Variants in PDE1C observed in about 807,000 individuals in gnomAD.
PDE1C encodes phosphodiesterase 1C, also known as dual specificity calcium/calmodulin-dependent 3',5'-cyclic nucleotide phosphodiesterase 1C.
Under a neutral mutation model 93.1 loss-of-function variants are expected in PDE1C, and 62 were observed. The observed-to-expected ratio is 0.67, with a 90% CI of 0.54 to 0.82. The LOEUF is 0.82. Among genes scored for constraint, PDE1C ranks in the 40% least tolerant of loss-of-function variants. The pLI is 0.00. For missense variants in PDE1C, 742 were observed against 884.6 expected (o/e 0.84, Z 2.04); for synonymous variants, 325 against 310.1 (o/e 1.05, Z -0.50).
At chr7:31,874,891 C>G (rs890043409) in intron 5 of PDE1C, among the ~76,000 whole-genome samples, 17 of 152,182 alleles carry the variant, frequency 1.1e-4, no homozygotes, top group Admixed American at 9.8e-4. Flanking sequence ...AGATGGCAAC[C>G]TCAGAGAGAT....
intron 2 of PDE1C, among the ~76,000 whole-genome samples, chr7:31,949,066 A>G (rs528499939): frequency 1.1e-4 from 16 of 152,306 alleles, no homozygotes; most frequent in African/African-American, 3.8e-4. Context: ...TACAATGAGC[A>G]AACAAATTTT....
chr7:31,835,592 C>G (rs1790988888), intron 11 of PDE1C, among the ~76,000 whole-genome samples: 1 of 151,082 alleles, frequency 6.6e-6, no homozygotes, highest in Non-Finnish European at 1.5e-5. Flanking sequence ...GAAGGAAATG[C>G]CTTGCATTTC....
intron 2 of PDE1C, among the ~76,000 whole-genome samples, chr7:32,183,859 C>G (rs2128814478): frequency 6.6e-6 from 1 of 152,264 alleles, no homozygotes; most frequent in Non-Finnish European, 1.5e-5. Context: ...TCAGAGTGAA[C>G]AGGCAACCTA....
the PDE1C span, among the ~76,000 whole-genome samples, chr7:31,664,369 T>A: frequency 6.6e-6 from 1 of 152,208 alleles, no homozygotes; most frequent in Non-Finnish European, 1.5e-5. Flanking sequence ...TGGAAACAGG[T>A]GTGTGGGCCC....
intron 2 of PDE1C, among the ~76,000 whole-genome samples, chr7:32,023,780 G>T (rs920661472): frequency 3.3e-5 from 5 of 152,204 alleles, no homozygotes; most frequent in African/African-American, 1.2e-4. Context: ...GGATGGGTGT[G>T]GCCATAAAAT....
At chr7:31,758,518 C>A (rs1057306729) in intron 17 of PDE1C, among the ~76,000 whole-genome samples, 5 of 152,132 alleles carry the variant, frequency 3.3e-5, no homozygotes, top group Admixed American at 3.3e-4. Context: ...TCCTTCGAAA[C>A]TTTTAACTCA....
At chr7:32,419,822 T>C (rs691630) in intron 1 of PDE1C, among the ~76,000 whole-genome samples, 1 of 151,454 alleles carries the variant, frequency 6.6e-6, no homozygotes, top group South Asian at 2.1e-4. Flanking sequence ...AGATGTAAGA[T>C]GCACACACAG....
intron 2 of PDE1C, among the ~76,000 whole-genome samples, chr7:32,040,892 A>G (rs1185406599): frequency 6.6e-6 from 1 of 152,080 alleles, no homozygotes; most frequent in Admixed American, 6.6e-5. Flanking sequence ...AAAGACAGTC[A>G]CCAATCCCTT....
chr7:32,275,074 A>G (rs1042722189), intron 1 of PDE1C, among the ~76,000 whole-genome samples: 1 of 152,152 alleles, frequency 6.6e-6, no homozygotes, highest in African/African-American at 2.4e-5. Context: ...CTGATTGGAG[A>G]GATTATTGCT....
At position 32,392,609 on chromosome 7, in the gene PDE1C, T is replaced by G. The variant is rs112784080; in HGVS notation, c.310+35213A>C. Among the ~76,000 whole-genome samples the G allele has an allele frequency of 2.8e-4, 42 of 152,264 alleles. No homozygotes were observed. In the East Asian group the frequency reaches 4.2e-3, roughly 15 times the overall value. ...ATGCCTTACAACCCAGTGAGATTTATCCTAGGAATGCAAGATTAGTTTCAC... is the reference window on the plus strand; with the variant it reads ...ATGCCTTACAACCCAGTGAGATTTAGCCTAGGAATGCAAGATTAGTTTCAC... On this transcript the variant is annotated intron_variant, in intron 1 of 1. Coordinates refer to the PDE1C transcript ENST00000672256.
chr7:31,744,261 A>G, the PDE1C span, among the ~76,000 whole-genome samples: 2 of 150,256 alleles, frequency 1.3e-5, no homozygotes, highest in African/African-American at 4.9e-5. Flanking sequence ...TATGTAGACA[A>G]ACACACACAC....
At chr7:31,816,316 C>T (rs17160575) in intron 14 of PDE1C, among the ~76,000 whole-genome samples, 162 bp from the exon 15 acceptor site, 4,168 of 151,618 alleles carry the variant, frequency 0.027, 69 homozygotes, top group East Asian at 0.067. Context: ...ACTTAGGAAA[C>T]GAATAAAATA....
At chr7:32,205,718 G>A (rs1805406460) in intron 2 of PDE1C, among the ~76,000 whole-genome samples, 1 of 152,122 alleles carries the variant, frequency 6.6e-6, no homozygotes, top group Non-Finnish European at 1.5e-5. Context: ...TTTATGAGCT[G>A]TAACACTCAT....
At chr7:31,969,646 A>G (rs927725980) in intron 2 of PDE1C, among the ~76,000 whole-genome samples, 1 of 152,236 alleles carries the variant, frequency 6.6e-6, no homozygotes, top group Non-Finnish European at 1.5e-5. Context: ...TACTGGTTAT[A>G]TACCCAAAGG....
intron 2 of PDE1C, among the ~76,000 whole-genome samples, chr7:31,988,018 A>G (rs889983414): frequency 6.6e-6 from 1 of 152,150 alleles, no homozygotes; most frequent in Non-Finnish European, 1.5e-5. Context: ...AGAAAGTAGA[A>G]AGGGAAGGAA....
intron 2 of PDE1C, among the ~76,000 whole-genome samples, chr7:32,003,513 A>G (rs1785755212): frequency 1.3e-5 from 2 of 152,232 alleles, no homozygotes; most frequent in South Asian, 2.1e-4. Context: ...TCCATCCATC[A>G]TGGAAGCCAG....
the PDE1C span, among the ~76,000 whole-genome samples, chr7:31,690,555 G>C: frequency 6.6e-6 from 1 of 152,218 alleles, no homozygotes; most frequent in Admixed American, 6.5e-5. Flanking sequence ...ACATCTTTAA[G>C]ATTTAGCAAC....
At chr7:32,206,360 G>A (rs909588294) in intron 2 of PDE1C, among the ~76,000 whole-genome samples, 2 of 152,082 alleles carry the variant, frequency 1.3e-5, no homozygotes, top group African/African-American at 4.8e-5. Flanking sequence ...AACCAGACAC[G>A]GCCCATGGGC....
At chr7:31,996,610 C>CTG (rs528231671) in intron 2 of PDE1C, among the ~76,000 whole-genome samples, 1 of 152,264 alleles carries the variant, frequency 6.6e-6, no homozygotes, top group South Asian at 2.1e-4. Context: ...CTACTAATGT[C>CTG]TGTGTGTGTG....
Sources: allele counts gnomAD v4.1 joint callset (sites outside exome capture counted in the v4.1 genomes callset), GRCh38; gene constraint gnomAD v4.1.1; transcripts MANE v1.5; gene names NCBI Gene and HGNC (gene_info 2026-07-23, HGNC 2026-07-21).